The following PRKCE variants were observed in gnomAD, a reference collection of about 807,000 sequenced individuals.
The protein encoded by PRKCE is protein kinase C epsilon, also known as protein kinase C epsilon type.
PRKCE carries 16 observed loss-of-function variants against 85.4 expected under a neutral mutation model. The ratio of observed to expected loss-of-function variants is 0.19; its 90% CI spans 0.13 to 0.28. The LOEUF (loss-of-function observed/expected upper bound fraction) is 0.28. Among genes scored for constraint, PRKCE ranks in the 10% least tolerant of loss-of-function variants. The probability of loss-of-function intolerance (pLI) is 1.00; values close to 1 mark genes in which losing one functional copy is unlikely to be tolerated. For missense variants in PRKCE, 573 were observed against 975.2 expected (o/e 0.59, Z 5.49); for synonymous variants, 388 against 371.5 (o/e 1.04, Z -0.51).
chr2:45,702,299 A>T lies in PRKCE; in HGVS notation c.348+49851A>T, dbSNP rs577429166. On this transcript the variant is annotated intron_variant, in intron 1 of 14. Transcript: ENST00000306156. ...ATCTACCTGGTTTTAGTAGCTGGTA[A>T]GGAGGCTTTAGTGTTGGGCAGCCCG... is the stretch of plus-strand genomic sequence containing the variant. Among the ~76,000 whole-genome samples the T allele has an allele frequency of 2.0e-4, 31 of 152,308 alleles. No homozygotes were observed. In the South Asian group the frequency reaches 6.2e-3, roughly 31 times the overall value.
intron 2 of PRKCE, among the ~76,000 whole-genome samples, chr2:45,887,289 G>C (rs192008388): frequency 6.6e-6 from 1 of 152,190 alleles, no homozygotes; most frequent in Admixed American, 6.5e-5. Context: ...AATAGATAGC[G>C]ATCTGTGTCT....
chr2:45,826,839 A>G (rs564427136), intron 1 of PRKCE, among the ~76,000 whole-genome samples: 1 of 152,260 alleles, frequency 6.6e-6, no homozygotes, highest in South Asian at 2.1e-4. Context: ...TTTTGGCTCT[A>G]TCTTCAAATT....
At chr2:45,825,636 C>T (rs183259344) in intron 1 of PRKCE, among the ~76,000 whole-genome samples, 34 of 152,156 alleles carry the variant, frequency 2.2e-4, no homozygotes, top group Non-Finnish European at 4.3e-4. Flanking sequence ...ATAATCCCAG[C>T]GCTTTGGGAG....
chr2:45,697,159 G>A lies in PRKCE; in HGVS notation c.348+44711G>A, dbSNP rs1018691224. On this transcript the variant is annotated intron_variant, in intron 1 of 14. Coordinates refer to ENST00000306156, the MANE Select transcript of PRKCE (RefSeq NM_005400.3). This position sits in a 1 kb window ranked among gnomAD's most constrained non-coding sequence, Gnocchi z 4.2. Reference sequence around the variant, plus strand: ...AACATGCCTCCAAATAAGATGAAATGCTCTAGTGTAGCTGACAGTGACTGC... The same window carrying A: ...AACATGCCTCCAAATAAGATGAAATACTCTAGTGTAGCTGACAGTGACTGC... Among the ~76,000 whole-genome samples, 30 of 152,328 alleles carry A rather than the reference G, an allele frequency of 2.0e-4. No homozygotes were observed. Among genetic ancestry groups the A allele is most frequent in the Middle Eastern group, 3.4e-3 (1 of 294 alleles).
At chr2:46,062,668 CTT>C (rs71394871) in intron 10 of PRKCE, among the ~76,000 whole-genome samples, 8 of 73,258 alleles carry the variant, frequency 1.1e-4, no homozygotes, top group African/African-American at 4.2e-4. Flanking sequence ...AAAGCTCAGC[CTT>C]TTTTTTTTTT....
intron 1 of PRKCE, among the ~76,000 whole-genome samples, chr2:45,715,705 G>A (rs1045214420): frequency 2.0e-5 from 3 of 152,184 alleles, no homozygotes; most frequent in Non-Finnish European, 4.4e-5. Flanking sequence ...GTAAAGGGGG[G>A]ATTATCTGTG....
In PRKCE at chr2:45,918,806, C is replaced by G. The variant is rs183246183; in HGVS notation, c.413-57623C>G. Among the ~76,000 whole-genome samples the G allele has an allele frequency of 8.5e-5, 13 of 152,324 alleles. No individual in the cohort carries two copies. In the East Asian group the frequency reaches 2.5e-3, roughly 29 times the overall value. ...GGGAAGGGAGGGGAGAAGTGCAGGTCTTCAGAGCATATCCTACTAGTTTGT... is the reference window on the plus strand; with the variant it reads ...GGGAAGGGAGGGGAGAAGTGCAGGTGTTCAGAGCATATCCTACTAGTTTGT... On this transcript the variant is annotated intron_variant, in intron 2 of 14. Transcript: ENST00000306156.
chr2:45,979,160 G>C lies in PRKCE; in HGVS notation c.607+150G>C, dbSNP rs1702687804. 8.9e-6 allele frequency: 7 copies of C among 783,356 alleles called. No individual in the cohort carries two copies. In the East Asian group the frequency reaches 1.7e-4, roughly 20 times the overall value. 48.5% of individuals were successfully genotyped at this position (783,356 alleles called of 1,614,324 possible). On this transcript the variant is annotated intron_variant, in intron 4 of 14. Coordinates refer to ENST00000306156, the MANE Select transcript of PRKCE (RefSeq NM_005400.3). ...TTGTTCCCACTTGACCATTACTTCT[G>C]CATATATGGGAATATATATGGGAGG...
chr2:46,122,091 A>G lies in PRKCE; in HGVS notation c.1593-23002A>G, dbSNP rs377613409. On this transcript the variant is annotated intron_variant, in intron 11 of 14. Transcript: ENST00000306156. Reference sequence around the variant, plus strand: ...TATGTAACCCAAACGAAGATACAGCATATTCCCAGCACGAGGCAGGCTTCC... The same window carrying G: ...TATGTAACCCAAACGAAGATACAGCGTATTCCCAGCACGAGGCAGGCTTCC... Among the ~76,000 whole-genome samples the G allele has an allele frequency of 3.2e-4, 49 of 152,324 alleles. No individual in the cohort carries two copies. The East Asian group carries it at 7.5e-3, about 23-fold the overall frequency.
intron 1 of PRKCE, among the ~76,000 whole-genome samples, chr2:45,749,744 T>C (rs1683399899): frequency 6.6e-6 from 1 of 152,236 alleles, no homozygotes; most frequent in African/African-American, 2.4e-5. Context: ...TGGTAGATGA[T>C]GGAACCAGAA....
At chr2:45,885,930 C>T (rs1033047262) in intron 2 of PRKCE, among the ~76,000 whole-genome samples, 2 of 152,224 alleles carry the variant, frequency 1.3e-5, no homozygotes, top group Admixed American at 6.5e-5. Context: ...AACGAAGGCT[C>T]TTTTGACAAT....
intron 6 of PRKCE, among the ~76,000 whole-genome samples, chr2:45,993,492 A>G (rs565044797): frequency 2.6e-5 from 4 of 152,248 alleles, no homozygotes; most frequent in Non-Finnish European, 5.9e-5. Flanking sequence ...AATAAAAGGC[A>G]AAGTCCTCAA....
chr2:45,700,993 C>T (rs1356313102), intron 1 of PRKCE, among the ~76,000 whole-genome samples: 1 of 152,124 alleles, frequency 6.6e-6, no homozygotes, highest in Admixed American at 6.5e-5. Flanking sequence ...CTTGCTAACA[C>T]CTTGATTTTG....
intron 2 of PRKCE, among the ~76,000 whole-genome samples, chr2:45,949,362 T>C (rs1343658621): frequency 1.3e-5 from 2 of 151,184 alleles, no homozygotes; most frequent in Non-Finnish European, 1.5e-5. Flanking sequence ...AAATATTCTT[T>C]TAGGACTATT....
At chr2:45,994,685 T>C (rs542493963) in intron 6 of PRKCE, among the ~76,000 whole-genome samples, 4 of 152,350 alleles carry the variant, frequency 2.6e-5, no homozygotes, top group South Asian at 4.1e-4. Context: ...TCCGTTCACC[T>C]ACTAAAGGAC....
intron 6 of PRKCE, among the ~76,000 whole-genome samples, chr2:45,990,125 G>A (rs745938126): frequency 6.6e-6 from 1 of 152,186 alleles, no homozygotes; most frequent in South Asian, 2.1e-4. Flanking sequence ...GAGCTTAGCT[G>A]GGTGCATCTG....
intron 11 of PRKCE, among the ~76,000 whole-genome samples, chr2:46,119,306 GT>G (rs901983567): frequency 1.1e-4 from 17 of 150,154 alleles, no homozygotes; most frequent in South Asian, 2.1e-4. Flanking sequence ...TTATTAGGGT[GT>G]TTTTTTTTCC....
At chr2:45,833,385 G>A (rs1452995676) in intron 1 of PRKCE, among the ~76,000 whole-genome samples, 1 of 152,158 alleles carries the variant, frequency 6.6e-6, no homozygotes, top group African/African-American at 2.4e-5. Context: ...TGAATCAAGA[G>A]CTGTGGAATC....
chr2:45,798,146 G>T (rs958021721), intron 1 of PRKCE, among the ~76,000 whole-genome samples: 1 of 152,132 alleles, frequency 6.6e-6, no homozygotes, highest in African/African-American at 2.4e-5. Context: ...AGTCGTTTGT[G>T]CAAATAAAGT....
Sources: allele counts gnomAD v4.1 joint callset (sites outside exome capture counted in the v4.1 genomes callset), GRCh38; gene constraint gnomAD v4.1.1; non-coding constraint Gnocchi (gnomAD v3.1); transcripts MANE v1.5; gene names NCBI Gene and HGNC (gene_info 2026-07-23, HGNC 2026-07-21).